UBN2: variants seen among roughly 807,000 people sequenced by gnomAD.
UBN2 encodes the protein ubinuclein 2, also known as ubinuclein-2.
UBN2 carries 35 observed loss-of-function variants against 120.2 expected under a neutral mutation model. The ratio of observed to expected loss-of-function variants is 0.29; its 90% CI spans 0.22 to 0.39. The LOEUF (loss-of-function observed/expected upper bound fraction) is 0.39, where lower values mean the gene tolerates loss of function less well. Ranked by LOEUF, UBN2 falls within the 10% of genes least tolerant of loss-of-function variation. UBN2 has a pLI of 1.00. For synonymous variants in UBN2, 661 were observed against 648.7 expected, an observed-to-expected ratio of 1.02 and a Z score of -0.29; for missense variants, 1,693 against 1,663.2, an observed-to-expected ratio of 1.02 and a Z score of -0.31.
intron 3 of UBN2, among the ~76,000 whole-genome samples, chr7:139,257,383 T>C (rs1301129441): frequency 6.6e-6 from 1 of 152,196 alleles, no homozygotes; most frequent in African/African-American, 2.4e-5. Context: ...CTATTCTTTT[T>C]CTAAAATATA....
intron 13 of UBN2, among the ~76,000 whole-genome samples, chr7:139,280,144 C>T (rs946250458): frequency 6.6e-6 from 1 of 152,124 alleles, no homozygotes. Flanking sequence ...GGCATTCCTC[C>T]TATAAACCAT....
intron 8 of UBN2, among the ~76,000 whole-genome samples, chr7:139,271,084 A>G (rs980887823): frequency 6.6e-6 from 1 of 152,092 alleles, no homozygotes; most frequent in Non-Finnish European, 1.5e-5. Context: ...GCCTGGCCAG[A>G]TGTTCACATT....
At chr7:139,261,055 A>C (rs140403935) in intron 5 of UBN2, among the ~76,000 whole-genome samples, 197 bp from the exon 6 acceptor site, 31 of 152,322 alleles carry the variant, frequency 2.0e-4, no homozygotes, top group African/African-American at 7.2e-4. Flanking sequence ...ATGGCCATTT[A>C]CCTATTTGCC....
At position 139,240,465 on chromosome 7, in the gene UBN2, T is replaced by TTA. The variant is rs1554469301; in HGVS notation, c.561+3368_561+3369insTA. 6.0e-3 allele frequency among the ~76,000 whole-genome samples: 876 copies of TTA among 145,302 alleles called. 13 individuals carry two copies. Among genetic ancestry groups the TTA allele is most frequent in the African/African-American group, 0.02 (805 of 39,474 alleles). On this transcript the variant is annotated intron_variant, in intron 2 of 17. Transcript: ENST00000473989. ...ATATATATATATATATTTTTTTTTT[T>TTA]AAATAATTATTTGGAATCTTTTAAG...
rs1797671725 is a variant in UBN2, at chr7:139,283,330, A to G, written c.2425A>G (p.Ile809Val). The change falls in exon 15 of 18, where the codon ATC becomes GTC. Residue 809 changes from isoleucine (I) to valine (V), a missense_variant. By Grantham distance (29) the Ile-to-Val change is conservative. Around this residue, in one of 5 missense-constraint regions of UBN2, gnomAD observed 837 missense variants for 817.6 expected, o/e 1.02. Coordinates refer to ENST00000473989, the MANE Select transcript of UBN2 (RefSeq NM_173569.4). ...PGLREEKLASIMSKLPLATPK... is the reference protein window; with the variant it reads ...PGLREEKLASVMSKLPLATPK... ...ACTGAGAGAAGAAAAATTAGCAAGT[A>G]TCATGAGTAAGCTGCCACTAGCTAC... The G allele has an allele frequency of 1.9e-6, 3 of 1,613,934 alleles. No homozygotes were observed. The highest frequency in any genetic ancestry group is 1.1e-5 in the South Asian group (1 of 91,084).
intron 15 of UBN2, among the ~76,000 whole-genome samples, chr7:139,285,834 T>C: frequency 6.6e-6 from 1 of 152,092 alleles, no homozygotes; most frequent in East Asian, 1.9e-4. Context: ...CCTCCGCTTC[T>C]CGGGTTCAGG....
At position 139,283,757 on chromosome 7, in the gene UBN2, A is replaced by C; in HGVS notation, c.2852A>C (p.Gln951Pro). 1 of 1,613,888 alleles carries C rather than the reference A, an allele frequency of 6.2e-7. No individual in the cohort carries two copies. The highest frequency in any genetic ancestry group is 8.5e-7 in the Non-Finnish European group (1 of 1,180,026). The change falls in exon 15 of 18, where the codon CAG becomes CCG. Residue 951 changes from glutamine (Q) to proline (P), a missense_variant. Gln to Pro is a moderately conservative substitution (Grantham distance 76, BLOSUM62 -1). Coordinates refer to ENST00000473989, the MANE Select transcript of UBN2 (RefSeq NM_173569.4). ...TTACAGGCCACCATCAGTAAATCCC[A>C]GACCAACCCCGTCGTGAAGTTAAGT... ...SPLQATISKS[Q>P]TNPVVKLSNN...
intron 12 of UBN2, 90 bp downstream of exon 12, chr7:139,276,237 T>C: frequency 8.1e-7 from 1 of 1,232,924 alleles, no homozygotes; most frequent in Admixed American, 1.8e-5. Flanking sequence ...CTAGTTGGAA[T>C]AGGACTTAAA....
chr7:139,259,454 A>G (rs949722248), intron 5 of UBN2, 84 bp downstream of exon 5: 2 of 1,538,448 alleles, frequency 1.3e-6, no homozygotes, highest in African/African-American at 2.8e-5. Flanking sequence ...ACCATTAACT[A>G]ATTCAACCTA....
rs1289987885 is a variant in UBN2, at chr7:139,247,804, C to A, written c.562-4152C>A. On this transcript the variant is annotated intron_variant, in intron 2 of 17. Transcript: ENST00000473989. ...GTAGTCAGAGTGATTTTGTTAAACACTGATCTTGTCAGTTACTTCCTTGTG... is the reference window on the plus strand; with the variant it reads ...GTAGTCAGAGTGATTTTGTTAAACAATGATCTTGTCAGTTACTTCCTTGTG... 2.0e-5 allele frequency among the ~76,000 whole-genome samples: 3 copies of A among 152,150 alleles called. No homozygotes were observed. In the East Asian group the frequency reaches 5.8e-4, roughly 29 times the overall value.
Position 139,293,876 on chromosome 7 carries a change from G to A in UBN2, c.3902-13G>A, listed in dbSNP as rs752617837. ...GGATTTAAAGATGACTGACAAGTCT[G>A]TTTTCCTCTCAGATTTACTAAAGGG... is the stretch of plus-strand genomic sequence containing the variant. On this transcript the variant is annotated splice_polypyrimidine_tract_variant and intron_variant, in intron 16 of 17. Transcript: ENST00000473989. 2 of 1,612,820 alleles carry A rather than the reference G, an allele frequency of 1.2e-6. No homozygotes were observed. Among genetic ancestry groups the A allele is most frequent in the Non-Finnish European group, 1.7e-6 (2 of 1,178,858 alleles).
At chr7:139,293,818 G>A (rs1798032980) in intron 16 of UBN2, 71 bp from the exon 17 acceptor site, 3 of 1,432,962 alleles carry the variant, frequency 2.1e-6, no homozygotes, top group Non-Finnish European at 2.9e-6. Flanking sequence ...ACATAAATCA[G>A]TTTTCATTTT....
rs762199095 is a variant in UBN2 at position 139,258,586 on chromosome 7, AGAT to A, written c.766_768del (p.Asp256del). Reference sequence around the variant, plus strand: ...TTCGCCAAGCTTCAGATACTGAAGAAGATGATATTACAGACAACCAAAAGCACA... The same window carrying A: ...TTCGCCAAGCTTCAGATACTGAAGAAGATATTACAGACAACCAAAAGCACA... On this transcript the variant is annotated inframe_deletion, in exon 4 of 18. Transcript: ENST00000473989. 2.5e-6 allele frequency: 4 copies of A among 1,607,066 alleles called. No homozygotes were observed. Among genetic ancestry groups the A allele is most frequent in the East Asian group, 4.5e-5 (2 of 44,772 alleles).
chr7:139,246,061 G>C (rs1477860832), intron 2 of UBN2, among the ~76,000 whole-genome samples: 2 of 152,144 alleles, frequency 1.3e-5, no homozygotes, highest in African/African-American at 2.4e-5. Context: ...TGGTAATTAT[G>C]CAGGATAAAT....
intron 3 of UBN2, among the ~76,000 whole-genome samples, chr7:139,252,880 TAACTC>T (rs1175144438): frequency 3.9e-5 from 6 of 152,192 alleles, no homozygotes; most frequent in African/African-American, 1.4e-4. Context: ...ACACTTGTCT[TAACTC>T]AGACTTAAGG....
At chr7:139,254,323 C>T (rs956995463) in intron 3 of UBN2, among the ~76,000 whole-genome samples, 1 of 151,974 alleles carries the variant, frequency 6.6e-6, no homozygotes, top group Admixed American at 6.6e-5. Flanking sequence ...TCTGCTGTCC[C>T]GACATAAACT....
intron 7 of UBN2, among the ~76,000 whole-genome samples, chr7:139,268,675 A>G (rs1041729163): frequency 6.6e-6 from 1 of 152,100 alleles, no homozygotes; most frequent in Non-Finnish European, 1.5e-5. Flanking sequence ...AGCCTGGAGC[A>G]GTGATGTGCT....
At position 139,266,408 on chromosome 7, in the gene UBN2, GTAAT is replaced by G. The variant is rs1419248459; in HGVS notation, c.1466+7_1466+10del. ...TATGAATAATATTCTTCTGGAGTAA[GTAAT>G]TTTCTTTAAAAAAAAAAACCTTAAG... On this transcript the variant is annotated splice_donor_region_variant and intron_variant, in intron 7 of 17. Transcript: ENST00000473989. The G allele has an allele frequency of 1.2e-5, 17 of 1,417,000 alleles. No individual in the cohort carries two copies. Among genetic ancestry groups the G allele is most frequent in the Admixed American group, 4.2e-5 (2 of 47,308 alleles). The allele number at this position is 1,417,000 out of a possible 1,614,324, so 87.8% of individuals were successfully genotyped here. A position where few individuals can be genotyped will look rare whatever the true frequency, so the allele number is the denominator to read the frequency against.
At chr7:139,293,740 A>T (rs574062866) in intron 16 of UBN2, 149 bp from the exon 17 acceptor site, 1 of 708,290 alleles carries the variant, frequency 1.4e-6, no homozygotes, top group African/African-American at 1.8e-5. Flanking sequence ...ATACATTAAC[A>T]TAAGTAAATT....
Sources: allele counts gnomAD v4.1 joint callset (sites outside exome capture counted in the v4.1 genomes callset), GRCh38; gene constraint gnomAD v4.1.1; regional missense constraint gnomAD v4.1.1; transcripts MANE v1.5; gene names NCBI Gene and HGNC (gene_info 2026-07-23, HGNC 2026-07-21).